The following ANKRD26 variants were observed in gnomAD, a reference collection of about 807,000 sequenced individuals.
ANKRD26 encodes ankyrin repeat domain-containing protein 26.
Under a neutral mutation model 208.7 loss-of-function variants are expected in ANKRD26, and 141 were observed. The observed-to-expected ratio is 0.68, with a 90% confidence interval of 0.59 to 0.78. The LOEUF is 0.78. ANKRD26 is among the 30% of genes least tolerant of loss of function. ANKRD26 has a pLI of 0.00. For missense variants in ANKRD26, 1,889 were observed against 1,938.7 expected, an observed-to-expected ratio of 0.97 and a Z score of 0.48; for synonymous variants, 636 against 660.4, an observed-to-expected ratio of 0.96 and a Z score of 0.57.
intron 17 of ANKRD26, among the ~76,000 whole-genome samples, chr10:27,047,701 ATACTACTAC>A (rs1252384073): frequency 1.4e-5 from 2 of 138,892 alleles, no homozygotes; most frequent in Non-Finnish European, 3.1e-5. Flanking sequence ...AACTGTAATA[ATACTACTAC>A]TACTACTACT....
At chr10:26,995,047 A>C (rs920180892) in exon 5 of ANKRD26, 24 of 470,998 alleles carry the variant, frequency 5.1e-5, no homozygotes, top group Non-Finnish European at 1.0e-4. Flanking sequence ...ATACCAGTCT[A>C]TCTCAGCATT....
chr10:27,092,315 G>T, intron 4 of ANKRD26, 91 bp downstream of exon 4: 1 of 942,268 alleles, frequency 1.1e-6, no homozygotes, highest in Non-Finnish European at 1.7e-6. Context: ...GAACAAGCAG[G>T]TTTAAAAAAC....
intron 15 of ANKRD26, among the ~76,000 whole-genome samples, chr10:27,059,766 C>T (rs1295260076): frequency 6.6e-6 from 1 of 151,226 alleles, no homozygotes; most frequent in South Asian, 2.1e-4. Context: ...AAAAATTAGC[C>T]GGGCATGGTG....
At chr10:27,099,570 G>GGC (rs1554799479) in intron 1 of ANKRD26, among the ~76,000 whole-genome samples, 1 of 140,200 alleles carries the variant, frequency 7.1e-6, no homozygotes, top group African/African-American at 2.6e-5. Flanking sequence ...GTTGGGGGGG[G>GGC]GGGTCTCGCT....
At chr10:27,028,999 G>T in intron 26 of ANKRD26, 54 bp from the exon 27 acceptor site, 1 of 1,411,502 alleles carries the variant, frequency 7.1e-7, no homozygotes, top group Non-Finnish European at 9.8e-7. Flanking sequence ...TTAAAATACT[G>T]TGTAATTTCT....
chr10:27,071,337 T>C (rs1821878879), intron 9 of ANKRD26, among the ~76,000 whole-genome samples: 2 of 150,902 alleles, frequency 1.3e-5, no homozygotes. Flanking sequence ...GGCTAATTTT[T>C]TGTATTTTTT....
chr10:26,983,905 C>G (rs1215258867), intron 3 of ANKRD26, among the ~76,000 whole-genome samples: 1 of 152,130 alleles, frequency 6.6e-6, no homozygotes, highest in Non-Finnish European at 1.5e-5. Context: ...TAGTCCTGAC[C>G]TCAGAAGGGA....
At chr10:27,049,068 T>C (rs2054559466) in intron 16 of ANKRD26, 89 bp from the exon 17 acceptor site, 1 of 1,150,536 alleles carries the variant, frequency 8.7e-7, no homozygotes, top group South Asian at 1.5e-5. Flanking sequence ...TTTGACTCAG[T>C]TTAACTATGG....
intron 15 of ANKRD26, among the ~76,000 whole-genome samples, chr10:27,058,789 G>A (rs1346784810): frequency 6.6e-6 from 1 of 151,838 alleles, no homozygotes; most frequent in Admixed American, 6.6e-5. Context: ...TCTTGGCCAG[G>A]ATGGTCTCGA....
At chr10:27,045,162 G>C (rs968009821) in intron 18 of ANKRD26, among the ~76,000 whole-genome samples, 1 of 152,204 alleles carries the variant, frequency 6.6e-6, no homozygotes, top group East Asian at 1.9e-4. Flanking sequence ...GCTGGCTCAC[G>C]CCTGTAATCT....
At chr10:26,995,744 C>T (rs115735271) in intron 4 of ANKRD26, among the ~76,000 whole-genome samples, 1,717 of 152,250 alleles carry the variant, frequency 0.011, 20 homozygotes, top group Middle Eastern at 0.024. Context: ...AGTTGACATT[C>T]ATCTTGAGAC....
intron 21 of ANKRD26, among the ~76,000 whole-genome samples, chr10:27,039,747 A>T (rs1488049273): frequency 6.6e-6 from 1 of 152,210 alleles, no homozygotes; most frequent in African/African-American, 2.4e-5. Context: ...TCCATACGAC[A>T]AACTTCTACA....
intron 7 of ANKRD26, 113 bp downstream of exon 7, chr10:27,078,975 CT>C: frequency 1.3e-6 from 1 of 789,482 alleles, no homozygotes; most frequent in Admixed American, 2.3e-5. Context: ...CCCTGACCAC[CT>C]TTCCATTACA....
At chr10:27,032,068 T>TCA (rs1430592016) in intron 25 of ANKRD26, among the ~76,000 whole-genome samples, 1 of 152,138 alleles carries the variant, frequency 6.6e-6, no homozygotes, top group Non-Finnish European at 1.5e-5. Context: ...AATAGAAAAA[T>TCA]CACTATAAAA....
chr10:27,091,146 A>G (rs2056286866), intron 4 of ANKRD26, among the ~76,000 whole-genome samples: 1 of 152,246 alleles, frequency 6.6e-6, no homozygotes, highest in Admixed American at 6.5e-5. Flanking sequence ...CAGTAGTTTC[A>G]GCCAATGATG....
At chr10:27,030,610 A>G (rs975100715) in intron 25 of ANKRD26, 1 of 984,834 alleles carries the variant, frequency 1.0e-6, no homozygotes, top group African/African-American at 1.7e-5. Flanking sequence ...GCTACGTAAT[A>G]AAGAAATGGA....
At chr10:26,983,109 A>G (rs1421754941) in intron 3 of ANKRD26, among the ~76,000 whole-genome samples, 1 of 152,192 alleles carries the variant, frequency 6.6e-6, no homozygotes, top group Admixed American at 6.6e-5. Context: ...GGTTTTTCTT[A>G]TACGTGAGTC....
chr10:27,022,654 C>T lies in ANKRD26; in HGVS notation c.4119G>A (p.Lys1373=), dbSNP rs1183938197. The T allele has an allele frequency of 1.3e-6, 2 of 1,586,326 alleles. No homozygotes were observed. Among genetic ancestry groups the T allele is most frequent in the Non-Finnish European group, 1.7e-6 (2 of 1,159,996 alleles). ...FKNLLKMTRK[K]LNEYENGEFS... ...ATTCTCCATTTTCATATTCATTTAA[C>T]TTCTTTCTTGTCATTTTTAAGAGGT... The change falls in exon 29 of 34, where the codon AAG becomes AAA. Residue 1373 remains lysine (K), a synonymous_variant. Coordinates refer to ENST00000376087, the MANE Select transcript of ANKRD26 (RefSeq NM_014915.3).
At chr10:26,959,870 C>G in the ANKRD26 span, among the ~76,000 whole-genome samples, 1 of 152,104 alleles carries the variant, frequency 6.6e-6, no homozygotes, top group Non-Finnish European at 1.5e-5. Context: ...TAACTTATAA[C>G]TTAGTAAAGA....
Sources: allele counts gnomAD v4.1 joint callset (sites outside exome capture counted in the v4.1 genomes callset), GRCh38; gene constraint gnomAD v4.1.1; transcripts MANE v1.5; gene names NCBI Gene and HGNC (gene_info 2026-07-23, HGNC 2026-07-21).